Variants in PPA2 observed in about 807,000 individuals in gnomAD.
PPA2 encodes inorganic pyrophosphatase 2.
PPA2 carries 48 observed loss-of-function variants against 49.5 expected under a neutral mutation model. That is an observed-to-expected ratio of 0.97 (90% CI 0.77 to 1.23). The LOEUF is 1.23. Among genes scored for constraint, PPA2 ranks in the 50% most tolerant of loss-of-function variants. The pLI is 0.00. For missense variants in PPA2, 429 were observed against 410.1 expected, an observed-to-expected ratio of 1.05 and a Z score of -0.40; for synonymous variants, 131 against 139.9, an observed-to-expected ratio of 0.94 and a Z score of 0.45.
At chr4:105,399,313 T>C (rs752673651) in intron 7 of PPA2, 149 bp from the exon 8 acceptor site, 13 of 661,268 alleles carry the variant, frequency 2.0e-5, no homozygotes, top group Non-Finnish European at 3.0e-5. Context: ...AGCATCATCA[T>C]TGATATGTAT....
intron 6 of PPA2, among the ~76,000 whole-genome samples, chr4:105,436,051 G>A (rs1375470162): frequency 6.6e-6 from 1 of 152,010 alleles, no homozygotes; most frequent in African/African-American, 2.4e-5. Flanking sequence ...AGTGTAGCTA[G>A]GAAACCCTAA....
At chr4:105,383,151 C>T (rs988343202) in intron 10 of PPA2, among the ~76,000 whole-genome samples, 4 of 152,192 alleles carry the variant, frequency 2.6e-5, no homozygotes, top group African/African-American at 9.7e-5. Context: ...ATGAACAAAA[C>T]TTGTTTATGA....
intron 10 of PPA2, among the ~76,000 whole-genome samples, chr4:105,373,557 C>T (rs1733114284): frequency 6.6e-6 from 1 of 152,016 alleles, no homozygotes; most frequent in African/African-American, 2.4e-5. Context: ...ATAAAATGTA[C>T]AGTGTATAAA....
At chr4:105,377,431 A>G (rs1047688303) in intron 10 of PPA2, among the ~76,000 whole-genome samples, 1 of 152,196 alleles carries the variant, frequency 6.6e-6, no homozygotes, top group African/African-American at 2.4e-5. Context: ...TTTATAAATA[A>G]GAAGTCAAAG....
chr4:105,442,687 G>T (rs923502581), intron 5 of PPA2, among the ~76,000 whole-genome samples: 1 of 152,192 alleles, frequency 6.6e-6, no homozygotes, highest in African/African-American at 2.4e-5. Context: ...AGGAGTGCGG[G>T]AGATGCTATT....
chr4:105,471,870 G>A (rs1723538123), intron 1 of PPA2, among the ~76,000 whole-genome samples: 2 of 152,104 alleles, frequency 1.3e-5, no homozygotes, highest in Non-Finnish European at 2.9e-5. Flanking sequence ...TCCAGTTTTT[G>A]CCCATTTACC....
chr4:105,435,451 T>G (rs1724007369), intron 6 of PPA2, among the ~76,000 whole-genome samples: 1 of 152,090 alleles, frequency 6.6e-6, no homozygotes, highest in African/African-American at 2.4e-5. Context: ...GTCATCAAGG[T>G]CTATCCTAAA....
At chr4:105,420,071 C>G (rs1723186999) in intron 7 of PPA2, among the ~76,000 whole-genome samples, 1 of 151,806 alleles carries the variant, frequency 6.6e-6, no homozygotes, top group African/African-American at 2.4e-5. Context: ...CTCCTGGGTT[C>G]AAGTGATTCT....
At position 105,396,250 on chromosome 4, in the gene PPA2, A is replaced by T; in HGVS notation, c.868T>A (p.Cys290Ser). The T allele has an allele frequency of 6.4e-7, 1 of 1,554,072 alleles. No individual in the cohort carries two copies. Among genetic ancestry groups the T allele is most frequent in the Non-Finnish European group, 8.7e-7 (1 of 1,144,166 alleles). The change falls in exon 9 of 12, where the codon TGC (cysteine) becomes AGC (serine). Residue 290 changes from cysteine to serine, a missense_variant and splice_region_variant. Cys to Ser is a moderately radical substitution (Grantham distance 112). Transcript: ENST00000341695. ...MKKCNGGAIN[C>S]TNVQISDSPF... is the part of the protein sequence containing the mutation. ...TACATAGAAAAGACAAATTCTTACC[A>T]ATTTATAGCTCCTCCATTACACTTC...
chr4:105,430,811 A>T (rs547034756), intron 6 of PPA2, among the ~76,000 whole-genome samples: 28 of 152,318 alleles, frequency 1.8e-4, no homozygotes, highest in Middle Eastern at 3.4e-3. Context: ...AAAGAAAATG[A>T]TTTACCAAAC....
intron 5 of PPA2, among the ~76,000 whole-genome samples, chr4:105,440,373 C>T (rs368223376): frequency 4.6e-5 from 7 of 151,924 alleles, no homozygotes; most frequent in Non-Finnish European, 7.4e-5. Context: ...GCGATTCTCC[C>T]GCCTCAGCCT....
chr4:105,405,913 T>C (rs17035566), intron 7 of PPA2: 6,390 of 450,158 alleles, frequency 0.014, 349 homozygotes, highest in African/African-American at 0.12. Context: ...AGGATGACTA[T>C]GCGATTTATT....
chr4:105,436,247 G>A (rs538462449), intron 6 of PPA2, among the ~76,000 whole-genome samples: 9 of 151,148 alleles, frequency 6.0e-5, no homozygotes, highest in Admixed American at 1.3e-4. Context: ...CACACACCCC[G>A]CAGGAATACA....
chr4:105,403,844 C>A (rs72668225), intron 7 of PPA2, among the ~76,000 whole-genome samples: 1 of 151,726 alleles, frequency 6.6e-6, no homozygotes, highest in Non-Finnish European at 1.5e-5. Flanking sequence ...AACCAAATTT[C>A]CTTTCCATAT....
chr4:105,448,068 T>C (rs1722491623), intron 4 of PPA2: 1 of 411,810 alleles, frequency 2.4e-6, no homozygotes, highest in South Asian at 1.8e-5. Flanking sequence ...TTCTATCATG[T>C]ATATTCACAT....
chr4:105,393,838 C>T (rs903300307), intron 9 of PPA2, among the ~76,000 whole-genome samples: 1 of 151,932 alleles, frequency 6.6e-6, no homozygotes, highest in African/African-American at 2.4e-5. Context: ...ATAGGCAATT[C>T]ATTACAGAAA....
At chr4:105,388,958 T>G (rs545578494) in intron 9 of PPA2, among the ~76,000 whole-genome samples, 1 of 152,306 alleles carries the variant, frequency 6.6e-6, no homozygotes, top group Non-Finnish European at 1.5e-5. Flanking sequence ...AAGTTCCTTC[T>G]ATTTATCAAA....
intron 2 of PPA2, chr4:105,453,979 A>T (rs1042905914): frequency 3.8e-5 from 7 of 184,214 alleles, no homozygotes; most frequent in African/African-American, 1.4e-4. Context: ...CAGTCATTTC[A>T]TTATTGAAAT....
intron 7 of PPA2, among the ~76,000 whole-genome samples, chr4:105,406,181 C>A (rs550622665): frequency 7.2e-6 from 1 of 138,112 alleles, no homozygotes. Flanking sequence ...AACAGCAGAA[C>A]GTGGATATGG....
Sources: allele counts gnomAD v4.1 joint callset (sites outside exome capture counted in the v4.1 genomes callset), GRCh38; gene constraint gnomAD v4.1.1; transcripts MANE v1.5; gene names NCBI Gene and HGNC (gene_info 2026-07-23, HGNC 2026-07-21).